TRAPPC9: variants seen among roughly 807,000 people sequenced by gnomAD.
The protein encoded by TRAPPC9 is trafficking protein particle complex subunit 9, also known as IKK2 binding protein.
A neutral mutation model predicts 124.0 loss-of-function variants in TRAPPC9; 83 were observed. The observed-to-expected ratio is 0.67, with a 90% CI of 0.56 to 0.80. TRAPPC9 has a LOEUF of 0.80. TRAPPC9 is among the 30% of genes least tolerant of loss of function. TRAPPC9 has a pLI of 0.00. For missense variants in TRAPPC9, 1,302 were observed against 1,508.3 expected, an observed-to-expected ratio of 0.86 and a Z score of 2.27; for synonymous variants, 638 against 617.5, an observed-to-expected ratio of 1.03 and a Z score of -0.49.
At chr8:139,908,536 C>T (rs1831505857) in intron 20 of TRAPPC9, 1 of 152,280 alleles carries the variant, frequency 6.6e-6, no homozygotes, top group Non-Finnish European at 1.5e-5. Flanking sequence ...TTTCCCCAGC[C>T]TGGCAGCGTG....
chr8:139,795,378 G>A (rs1483672840), intron 21 of TRAPPC9, among the ~76,000 whole-genome samples: 25 of 152,252 alleles, frequency 1.6e-4, no homozygotes. Context: ...CACTTCTCCT[G>A]GACACAGAGA....
intron 17 of TRAPPC9, among the ~76,000 whole-genome samples, chr8:140,152,025 T>C (rs2061551065): frequency 6.6e-6 from 1 of 152,144 alleles, no homozygotes; most frequent in Non-Finnish European, 1.5e-5. Flanking sequence ...GCTGCAATTC[T>C]GCTCTCCTTG....
intron 3 of TRAPPC9, among the ~76,000 whole-genome samples, chr8:140,436,303 G>C (rs113301957): frequency 1.3e-5 from 2 of 152,092 alleles, no homozygotes; most frequent in African/African-American, 2.4e-5. Flanking sequence ...CTGAAATCAC[G>C]CCATTGCACT....
intron 18 of TRAPPC9, among the ~76,000 whole-genome samples, chr8:139,999,096 C>A (rs1310832119): frequency 2.0e-5 from 3 of 151,888 alleles, no homozygotes. Context: ...ACCAAAAATA[C>A]AATGGTAGAC....
intron 16 of TRAPPC9, among the ~76,000 whole-genome samples, chr8:140,222,709 C>T (rs1394477081): frequency 1.3e-5 from 2 of 152,214 alleles, no homozygotes; most frequent in African/African-American, 2.4e-5. Flanking sequence ...TTCTCAAGAA[C>T]GTAAAGATAC....
intron 17 of TRAPPC9, among the ~76,000 whole-genome samples, chr8:140,199,271 T>C (rs1041625408): frequency 6.6e-6 from 1 of 152,168 alleles, no homozygotes; most frequent in South Asian, 2.1e-4. Flanking sequence ...TGGGGGGTGC[T>C]GATGTTCTTA....
chr8:139,878,651 C>G (rs1311983273), intron 21 of TRAPPC9, among the ~76,000 whole-genome samples: 2 of 152,162 alleles, frequency 1.3e-5, no homozygotes, highest in African/African-American at 2.4e-5. Flanking sequence ...AGCAGGTGAG[C>G]TGTCCTGCAA....
intron 21 of TRAPPC9, among the ~76,000 whole-genome samples, chr8:139,824,942 C>T (rs1453368787): frequency 1.3e-5 from 2 of 152,160 alleles, no homozygotes; most frequent in Admixed American, 1.3e-4. Context: ...GATTTCTTTA[C>T]TCAAGGCCTC....
intron 6 of TRAPPC9, among the ~76,000 whole-genome samples, chr8:140,402,663 T>A (rs760464194): frequency 6.7e-6 from 1 of 148,638 alleles, no homozygotes; most frequent in Non-Finnish European, 1.5e-5. Context: ...GCCACTGCAC[T>A]CCAGCCTGGG....
chr8:140,403,942 G>A (rs548303653), intron 6 of TRAPPC9, among the ~76,000 whole-genome samples: 15 of 152,130 alleles, frequency 9.9e-5, no homozygotes, highest in South Asian at 4.2e-4. Flanking sequence ...ACTGGCGGGC[G>A]TGAGCCACTG....
intron 19 of TRAPPC9, among the ~76,000 whole-genome samples, chr8:139,982,873 TA>T (rs1449718816): frequency 1.3e-5 from 2 of 152,160 alleles, no homozygotes; most frequent in Admixed American, 1.3e-4. Context: ...CTTTCACACT[TA>T]CCACCCCACC....
intron 11 of TRAPPC9, among the ~76,000 whole-genome samples, chr8:140,294,517 G>A (rs2065752447): frequency 6.6e-6 from 1 of 151,812 alleles, no homozygotes; most frequent in Non-Finnish European, 1.5e-5. Flanking sequence ...ATTTTCTAGA[G>A]TACTAAAAAA....
intron 17 of TRAPPC9, among the ~76,000 whole-genome samples, chr8:140,172,914 A>G (rs1405588998): frequency 1.3e-5 from 2 of 152,152 alleles, no homozygotes; most frequent in African/African-American, 4.8e-5. Flanking sequence ...GAGCCACTAC[A>G]CTTGTTGGCT....
chr8:139,809,268 T>C (rs1280787940), intron 21 of TRAPPC9, among the ~76,000 whole-genome samples: 1 of 152,150 alleles, frequency 6.6e-6, no homozygotes, highest in Non-Finnish European at 1.5e-5. Context: ...CAAAGGCAGA[T>C]GCAGCAGTCT....
chr8:140,091,039 G>T (rs1426864339), intron 17 of TRAPPC9, among the ~76,000 whole-genome samples: 3 of 152,192 alleles, frequency 2.0e-5, no homozygotes, highest in African/African-American at 7.2e-5. Context: ...ACTGCAGAGA[G>T]AGAGACAACA....
chr8:139,887,501 G>C (rs1227221637), intron 20 of TRAPPC9, among the ~76,000 whole-genome samples: 1 of 152,212 alleles, frequency 6.6e-6, no homozygotes, highest in Non-Finnish European at 1.5e-5. Context: ...TGGGATTACA[G>C]GCGTGAGCCA....
rs112160277 is a variant in TRAPPC9, at chr8:140,266,469, C to CA, written c.2278+9188dup. ...CAGAGTGAGACTCTGTCTAACAAGA[C>CA]AAAAAAAAAAAAAACTTGCTTACAC... is the stretch of plus-strand genomic sequence containing the variant. On this transcript the variant is annotated intron_variant, in intron 15 of 22. Transcript: ENST00000438773. Among the ~76,000 whole-genome samples, 849 of 89,008 alleles carry CA rather than the reference C, an allele frequency of 9.5e-3. 7 individuals are homozygous for CA. Among genetic ancestry groups the CA allele is most frequent in the East Asian group, 0.058 (134 of 2,312 alleles). 58.4% of individuals were successfully genotyped at this position (89,008 alleles called of 152,430 possible). A position where few individuals can be genotyped will look rare whatever the true frequency, so the allele number is the denominator to read the frequency against.
chr8:140,264,632 G>A (rs13264866), intron 15 of TRAPPC9, among the ~76,000 whole-genome samples: 143 of 151,064 alleles, frequency 9.5e-4, no homozygotes, highest in Non-Finnish European at 6.8e-4. Context: ...GAGAGCGGAG[G>A]GGGAGGGCAG....
In TRAPPC9 at chr8:140,210,641, A is replaced by T. The variant is rs147809631; in HGVS notation, c.2556+10818T>A. 8.6e-4 allele frequency among the ~76,000 whole-genome samples: 131 copies of T among 152,032 alleles called. 1 individual carries two copies. Among genetic ancestry groups the T allele is most frequent in the African/African-American group, 3.1e-3 (128 of 41,450 alleles). On this transcript the variant is annotated intron_variant, in intron 17 of 22. Transcript: ENST00000438773. ...TCCCACCCAGCAAACCGACGATTAC[A>T]TGGCTGTCTTGGGAACAAACAGATG...
Sources: allele counts gnomAD v4.1 joint callset (sites outside exome capture counted in the v4.1 genomes callset), GRCh38; gene constraint gnomAD v4.1.1; transcripts MANE v1.5; gene names NCBI Gene and HGNC (gene_info 2026-07-23, HGNC 2026-07-21).